The following GNA14 variants were observed in gnomAD, a reference collection of about 807,000 sequenced individuals.
GNA14 encodes the protein G protein subunit alpha 14.
A neutral mutation model predicts 42.0 loss-of-function variants in GNA14; 50 were observed. That is an observed-to-expected ratio of 1.19 (90% CI 0.95 to 1.51). The LOEUF is 1.51. Among genes scored for constraint, GNA14 ranks in the 40% most tolerant of loss-of-function variants. GNA14 has a pLI of 0.00. For missense variants in GNA14, 473 were observed against 446.2 expected, an observed-to-expected ratio of 1.06 and a Z score of -0.54; for synonymous variants, 173 against 163.1, an observed-to-expected ratio of 1.06 and a Z score of -0.46.
intron 1 of GNA14, among the ~76,000 whole-genome samples, chr9:77,581,405 C>T (rs1055907163): frequency 6.6e-5 from 10 of 152,276 alleles, no homozygotes; most frequent in Middle Eastern, 6.8e-3. Context: ...CCCTGGTTTC[C>T]TCATATGTAA....
At chr9:77,609,503 C>A (rs866161783) in intron 1 of GNA14, among the ~76,000 whole-genome samples, 3 of 152,156 alleles carry the variant, frequency 2.0e-5, no homozygotes, top group Non-Finnish European at 4.4e-5. Context: ...AGTTTCAAAG[C>A]CACTTCCACA....
At chr9:77,508,208 T>C (rs1837101677) in intron 2 of GNA14, among the ~76,000 whole-genome samples, 1 of 152,160 alleles carries the variant, frequency 6.6e-6, no homozygotes, top group East Asian at 1.9e-4. Flanking sequence ...AGAAAGAAAA[T>C]ACATCTAGAA....
At chr9:77,480,062 C>A (rs1332137581) in intron 2 of GNA14, among the ~76,000 whole-genome samples, 1 of 152,126 alleles carries the variant, frequency 6.6e-6, no homozygotes, top group African/African-American at 2.4e-5. Flanking sequence ...TGCCTGATTG[C>A]CCTGGCCAGA....
chr9:77,627,995 A>ATC (rs1392676198), intron 1 of GNA14, among the ~76,000 whole-genome samples: 1 of 152,222 alleles, frequency 6.6e-6, no homozygotes, highest in African/African-American at 2.4e-5. Context: ...AGAAAACCCC[A>ATC]GTGCCTCAGC....
intron 2 of GNA14, among the ~76,000 whole-genome samples, chr9:77,519,057 G>A (rs890553122): frequency 2.0e-5 from 3 of 152,092 alleles, no homozygotes; most frequent in Admixed American, 6.6e-5. Context: ...AGTTATAAAA[G>A]CAAACTGTCT....
At chr9:77,510,141 C>T (rs966475025) in intron 2 of GNA14, among the ~76,000 whole-genome samples, 34 of 152,172 alleles carry the variant, frequency 2.2e-4, no homozygotes, top group African/African-American at 7.5e-4. Context: ...ACTCCCCCAG[C>T]TCTAGACACT....
chr9:77,514,608 ATTTTTTTT>A (rs34158312), intron 2 of GNA14, among the ~76,000 whole-genome samples: 1 of 136,678 alleles, frequency 7.3e-6, no homozygotes, highest in Non-Finnish European at 1.5e-5. Context: ...ATAATATCAG[ATTTTTTTT>A]TTTTTTTTTT....
At chr9:77,509,642 G>A (rs182741283) in intron 2 of GNA14, among the ~76,000 whole-genome samples, 15 of 152,300 alleles carry the variant, frequency 9.8e-5, no homozygotes, top group African/African-American at 3.1e-4. Context: ...GATCACCAGT[G>A]GATGCTAATG....
chr9:77,631,729 T>C (rs555968683), intron 1 of GNA14, among the ~76,000 whole-genome samples: 1 of 151,900 alleles, frequency 6.6e-6, no homozygotes, highest in East Asian at 1.9e-4. Context: ...CATTAGGCCC[T>C]TCTACTATTT....
intron 1 of GNA14, among the ~76,000 whole-genome samples, chr9:77,566,629 A>C (rs772245587): frequency 1.1e-4 from 17 of 152,262 alleles, no homozygotes; most frequent in Non-Finnish European, 1.9e-4. Context: ...TCCAGCTAGA[A>C]GAGTTTGAAA....
chr9:77,602,896 C>A (rs1823590825), intron 1 of GNA14, among the ~76,000 whole-genome samples: 1 of 152,172 alleles, frequency 6.6e-6, no homozygotes, highest in South Asian at 2.1e-4. Context: ...CCCAAGGACC[C>A]TACATTTTCA....
chr9:77,483,943 G>A (rs1041749208), intron 2 of GNA14, among the ~76,000 whole-genome samples: 3 of 152,194 alleles, frequency 2.0e-5, no homozygotes, highest in South Asian at 2.1e-4. Context: ...AAATCAGAGT[G>A]AGAATGACTT....
intron 2 of GNA14, among the ~76,000 whole-genome samples, chr9:77,465,680 T>G (rs1028251348): frequency 1.3e-5 from 2 of 152,180 alleles, no homozygotes; most frequent in Admixed American, 1.3e-4. Flanking sequence ...GATTTTTTTT[T>G]TTGAGGCCTC....
chr9:77,568,434 G>A (rs1320448490), intron 1 of GNA14, among the ~76,000 whole-genome samples: 2 of 151,056 alleles, frequency 1.3e-5, no homozygotes, highest in Admixed American at 6.6e-5. Flanking sequence ...GGAGGTTGCA[G>A]TGAGCAGGGA....
intron 1 of GNA14, among the ~76,000 whole-genome samples, chr9:77,536,541 G>A (rs1390179196): frequency 5.3e-5 from 8 of 152,198 alleles, no homozygotes. Flanking sequence ...AGTAGAGACG[G>A]GGTTTCACCA....
chr9:77,464,163 G>A (rs1201189684), intron 2 of GNA14, among the ~76,000 whole-genome samples: 1 of 152,012 alleles, frequency 6.6e-6, no homozygotes, highest in Non-Finnish European at 1.5e-5. Flanking sequence ...ACCAAGTCCG[G>A]CTAATTTTTA....
At chr9:77,492,169 A>G (rs1381888803) in intron 2 of GNA14, among the ~76,000 whole-genome samples, 1 of 152,150 alleles carries the variant, frequency 6.6e-6, no homozygotes, top group Non-Finnish European at 1.5e-5. Flanking sequence ...AGTACTAAGA[A>G]GCACATCTAT....
intron 1 of GNA14, among the ~76,000 whole-genome samples, chr9:77,596,180 T>C (rs190039645): frequency 1.6e-4 from 25 of 152,150 alleles, no homozygotes; most frequent in Admixed American, 2.6e-4. Context: ...AAGCTCATCA[T>C]TTATAGAGGT....
chr9:77,639,925 G>C (rs1010969044), intron 1 of GNA14, among the ~76,000 whole-genome samples: 2 of 152,212 alleles, frequency 1.3e-5, no homozygotes, highest in African/African-American at 2.4e-5. Context: ...TCCAACTTTA[G>C]AGCCCTTGGA....
Sources: gnomAD v4.1 joint callset for allele counts (sites outside exome capture counted in the v4.1 genomes callset) on GRCh38, gnomAD v4.1.1 for gene constraint, MANE v1.5 for transcripts, NCBI Gene and HGNC (gene_info 2026-07-23, HGNC 2026-07-21) for gene names.